The following AKAP6 variants were observed in gnomAD, a reference collection of about 807,000 sequenced individuals.
The protein encoded by AKAP6 is A-kinase anchor protein 6.
Under a neutral mutation model 188.5 loss-of-function variants are expected in AKAP6, and 58 were observed. That is an observed-to-expected ratio of 0.31 (90% CI 0.25 to 0.38). The LOEUF (loss-of-function observed/expected upper bound fraction) is 0.38. Among genes scored for constraint, AKAP6 ranks in the 10% least tolerant of loss-of-function variants. The probability of loss-of-function intolerance (pLI) is 1.00; values close to 1 mark genes in which losing one functional copy is unlikely to be tolerated. For missense variants in AKAP6, 2,710 were observed against 2,740.0 expected (o/e 0.99, Z 0.24); for synonymous variants, 989 against 998.6 (o/e 0.99, Z 0.18).
intron 7 of AKAP6, 94 bp from the exon 8 acceptor site, chr14:32,678,217 T>C: frequency 7.7e-7 from 1 of 1,300,794 alleles, no homozygotes; most frequent in South Asian, 1.5e-5. Context: ...ACTATAATGA[T>C]GTGAAGAATT....
intron 4 of AKAP6, among the ~76,000 whole-genome samples, chr14:32,560,018 G>A (rs1164376452): frequency 6.6e-6 from 1 of 152,038 alleles, no homozygotes; most frequent in Non-Finnish European, 1.5e-5. Context: ...GAGAGTAGAA[G>A]AGGAAAGGAG....
At position 32,546,136 on chromosome 14, in the gene AKAP6, C is replaced by T. The variant is rs770309860; in HGVS notation, c.1483C>T (p.Leu495Phe). The T allele has an allele frequency of 6.2e-7, 1 of 1,613,854 alleles. No homozygotes were observed. The highest frequency in any genetic ancestry group is 2.2e-5 in the East Asian group (1 of 44,886). Reference protein sequence around the residue: ...LNDCYKEKSRLKKPHKTSEEV... With the variant: ...LNDCYKEKSRFKKPHKTSEEV... The stretch of plus-strand genomic sequence containing the variant: ...CGACTGCTATAAAGAGAAATCTCGA[C>T]TTAAAAAGCCACACAAGACCTCAGA... Residue 495 changes from leucine (L) to phenylalanine (F), a missense_variant, in exon 4 of 14, where the codon CTT becomes TTT. By Grantham distance (22) the Leu-to-Phe change is conservative. Coordinates refer to ENST00000280979, the MANE Select transcript of AKAP6 (RefSeq NM_004274.5).
rs190614154 is a variant in AKAP6, at chr14:32,642,441, G to A, written c.2731-35870G>A. ...TTAAAACTTTAATGTAATTTCATGCGTCTCTATTTCAGGCAATATAAAAAC... is the reference window on the plus strand; with the variant it reads ...TTAAAACTTTAATGTAATTTCATGCATCTCTATTTCAGGCAATATAAAAAC... On this transcript the variant is annotated intron_variant, in intron 7 of 13. Transcript: ENST00000280979. Among the ~76,000 whole-genome samples, 246 of 152,196 alleles carry A rather than the reference G, an allele frequency of 1.6e-3. 1 individual carries two copies. Among genetic ancestry groups the A allele is most frequent in the Middle Eastern group, 6.8e-3 (2 of 294 alleles).
At chr14:32,580,604 C>A (rs903136153) in intron 5 of AKAP6, among the ~76,000 whole-genome samples, 1 of 152,096 alleles carries the variant, frequency 6.6e-6, no homozygotes, top group African/African-American at 2.4e-5. Context: ...GCACAACGTG[C>A]AGGTTAGTTA....
At chr14:32,669,129 T>G (rs1466964167) in intron 7 of AKAP6, among the ~76,000 whole-genome samples, 2 of 152,190 alleles carry the variant, frequency 1.3e-5, no homozygotes, top group African/African-American at 4.8e-5. Flanking sequence ...GGGTTGATAC[T>G]GTGTCTGATC....
Position 32,823,006 on chromosome 14 carries a change from T to G in AKAP6, c.5193T>G (p.Asp1731Glu). ...CTCGTTCAGTGGCTGATGAAAGCGA[T>G]GTCAATGTCAGCATGATTGTTAATG... The part of the protein sequence containing the change: ...RLTRSVADES[D>E]VNVSMIVNVS... Residue 1731 changes from aspartate (D) to glutamate (E), a missense_variant, in exon 13 of 14, where the codon GAT (aspartate) becomes GAG (glutamate). Asp to Glu is a conservative substitution (Grantham distance 45). Coordinates refer to ENST00000280979, the MANE Select transcript of AKAP6 (RefSeq NM_004274.5). 1 of 1,613,934 alleles carries G rather than the reference T, an allele frequency of 6.2e-7. No homozygotes were observed. Among genetic ancestry groups the G allele is most frequent in the Non-Finnish European group, 8.5e-7 (1 of 1,179,906 alleles).
chr14:32,457,223 T>C (rs1031466542), intron 2 of AKAP6, among the ~76,000 whole-genome samples: 1 of 152,192 alleles, frequency 6.6e-6, no homozygotes, highest in Non-Finnish European at 1.5e-5. Context: ...TGGTATCTAC[T>C]GAGTAGGGCC....
chr14:32,679,589 A>C (rs1245466575), intron 8 of AKAP6, among the ~76,000 whole-genome samples: 1 of 152,146 alleles, frequency 6.6e-6, no homozygotes, highest in Non-Finnish European at 1.5e-5. Context: ...TTTGGGATAA[A>C]TTAAGTACAC....
chr14:32,557,535 A>G (rs1883743992), intron 4 of AKAP6, among the ~76,000 whole-genome samples: 2 of 152,218 alleles, frequency 1.3e-5, no homozygotes. Flanking sequence ...TTCTGCTATA[A>G]ATTCAATTCT....
chr14:32,370,058 C>A (rs548507021), intron 1 of AKAP6, among the ~76,000 whole-genome samples: 2 of 152,230 alleles, frequency 1.3e-5, no homozygotes, highest in East Asian at 3.9e-4. Flanking sequence ...AAAATTATAA[C>A]CTCCTAGAGC....
chr14:32,580,682 T>C (rs986109304), intron 5 of AKAP6, among the ~76,000 whole-genome samples: 1 of 152,152 alleles, frequency 6.6e-6, no homozygotes, highest in African/African-American at 2.4e-5. Flanking sequence ...TAGGTATATC[T>C]CCTAATGCTA....
In AKAP6 at chr14:32,545,224, T is replaced by C; in HGVS notation, c.577-6T>C. 3.1e-6 allele frequency: 5 copies of C among 1,609,986 alleles called. No homozygotes were observed. Among genetic ancestry groups the C allele is most frequent in the Non-Finnish European group, 4.2e-6 (5 of 1,176,970 alleles). On this transcript the variant is annotated splice_region_variant and splice_polypyrimidine_tract_variant and intron_variant, in intron 3 of 13. Transcript: ENST00000280979. The stretch of plus-strand genomic sequence containing the variant: ...TTACTGAAACCATTGCCATTGTCTG[T>C]TTCAGGGCCGGCTTGATTCTCTAAC...
At chr14:32,789,343 C>T (rs1388789555) in intron 12 of AKAP6, among the ~76,000 whole-genome samples, 1 of 152,210 alleles carries the variant, frequency 6.6e-6, no homozygotes, top group Admixed American at 6.5e-5. Context: ...AGGGTCTCTC[C>T]CAACGCAACA....
intron 2 of AKAP6, among the ~76,000 whole-genome samples, chr14:32,455,762 A>C (rs1329357246): frequency 1.3e-5 from 2 of 152,152 alleles, no homozygotes; most frequent in Non-Finnish European, 2.9e-5. Context: ...TTTTCTTTAG[A>C]TCTACTCTGA....
At chr14:32,651,803 G>A (rs1173368320) in intron 7 of AKAP6, among the ~76,000 whole-genome samples, 1 of 152,122 alleles carries the variant, frequency 6.6e-6, no homozygotes, top group Non-Finnish European at 1.5e-5. Context: ...AAACCATAGT[G>A]TGGATTACTT....
chr14:32,395,499 G>C (rs1043297416), intron 1 of AKAP6, among the ~76,000 whole-genome samples: 5 of 152,108 alleles, frequency 3.3e-5, no homozygotes, highest in African/African-American at 1.2e-4. Context: ...TCAAGCCAGG[G>C]CTGGTAGATT....
Position 32,433,601 on chromosome 14 carries a change from G to GGGTGA in AKAP6, c.111_115dup (p.Gly39ValfsTer7). On this transcript the variant is annotated frameshift_variant, in exon 2 of 14. Coordinates refer to ENST00000280979, the MANE Select transcript of AKAP6 (RefSeq NM_004274.5). LOFTEE classifies it high-confidence loss of function. Reference sequence around the variant, plus strand: ...TCAACATGACACCCACTGTGGAGCAGGGTGAGGGAGAAGAGGCAATGAAGG... The same window carrying GGGTGA: ...TCAACATGACACCCACTGTGGAGCAGGGTGAGGTGAGGGAGAAGAGGCAATGAAGG... The GGGTGA allele has an allele frequency of 1.2e-6, 2 of 1,614,186 alleles. No homozygotes were observed. Among genetic ancestry groups the GGGTGA allele is most frequent in the Non-Finnish European group, 1.7e-6 (2 of 1,180,036 alleles).
At chr14:32,558,905 T>C (rs1471823390) in intron 4 of AKAP6, among the ~76,000 whole-genome samples, 1 of 152,198 alleles carries the variant, frequency 6.6e-6, no homozygotes, top group African/African-American at 2.4e-5. Context: ...CTTTGTCACA[T>C]AGCATTACCT....
At chr14:32,431,351 T>A (rs76660641) in intron 1 of AKAP6, among the ~76,000 whole-genome samples, 196 of 152,314 alleles carry the variant, frequency 1.3e-3, no homozygotes, top group African/African-American at 4.6e-3. Flanking sequence ...GTGTGGGGTA[T>A]GGATTTCTGC....
Sources: gnomAD v4.1 joint callset for allele counts (sites outside exome capture counted in the v4.1 genomes callset) on GRCh38, gnomAD v4.1.1 for gene constraint, MANE v1.5 for transcripts, NCBI Gene and HGNC (gene_info 2026-07-23, HGNC 2026-07-21) for gene names.